TMEM41A: variants seen among roughly 807,000 people sequenced by gnomAD.
TMEM41A encodes the protein transmembrane protein 41A.
In TMEM41A, 20 loss-of-function variants were observed where a neutral mutation model predicts 25.7. That is an observed-to-expected ratio of 0.78 (90% CI 0.55 to 1.13). The LOEUF (loss-of-function observed/expected upper bound fraction) is 1.13. TMEM41A is among the 50% of genes most tolerant of loss of function. The probability of loss-of-function intolerance (pLI) is 0.00; values close to 1 mark genes in which losing one functional copy is unlikely to be tolerated. For synonymous variants in TMEM41A, 133 were observed against 139.6 expected, an observed-to-expected ratio of 0.95 and a Z score of 0.33; for missense variants, 299 against 314.3, an observed-to-expected ratio of 0.95 and a Z score of 0.37.
chr3:185,494,879 C>A (rs779640266), intron 3 of TMEM41A, 118 bp from the exon 4 acceptor site: 8 of 1,274,500 alleles, frequency 6.3e-6, no homozygotes, highest in Non-Finnish European at 8.6e-6. Context: ...ATTCTTCCAA[C>A]AACCCTCCAG....
At chr3:185,498,031 C>A (rs1329729619) in intron 1 of TMEM41A, among the ~76,000 whole-genome samples, 3 of 151,556 alleles carry the variant, frequency 2.0e-5, no homozygotes, top group African/African-American at 7.3e-5. Flanking sequence ...CTGAGGCAGG[C>A]GGATTACCTG....
rs941381333 is a variant in TMEM41A, at chr3:185,490,666, C to G, written c.*871G>C. On this transcript the variant is annotated 3_prime_UTR_variant, in exon 5 of 5. Transcript: ENST00000421852. ...GTGAGCAACACGTGGAAGTCCTAGG[C>G]AGTTCGTCAACTTGTTTCACTTGGC... 1 of 152,230 alleles carries G rather than the reference C, an allele frequency of 6.6e-6. No individual in the cohort carries two copies. The highest frequency in any genetic ancestry group is 2.4e-5 in the African/African-American group (1 of 41,456). The allele number at this position is 152,230 out of a possible 1,614,324, so 9.4% of individuals were successfully genotyped here.
rs1180223888 is a variant in TMEM41A, at chr3:185,496,810, G to A, written c.273+18C>T. 2.5e-6 allele frequency: 4 copies of A among 1,599,378 alleles called. No individual in the cohort carries two copies. The South Asian group carries it at 4.5e-5, about 18-fold the overall frequency. On this transcript the variant is annotated intron_variant, in intron 2 of 4. Transcript: ENST00000421852. ...TACAGATAAGGAAACAGGGTTGGAG[G>A]GAGGGCAGGACACTGACCAGGAAGC...
intron 4 of TMEM41A, chr3:185,492,158 CGGGTGTGG>C: frequency 6.2e-6 from 1 of 160,450 alleles, no homozygotes; most frequent in Non-Finnish European, 1.4e-5. Context: ...AAAAATTAGC[CGGGTGTGG>C]TGGCATGTGC....
At position 185,491,346 on chromosome 3, in the gene TMEM41A, G is replaced by A. The variant is rs962198699; in HGVS notation, c.*191C>T. 3.7e-6 allele frequency: 2 copies of A among 543,436 alleles called. No homozygotes were observed. Among genetic ancestry groups the A allele is most frequent in the African/African-American group, 3.8e-5 (2 of 52,612 alleles). The allele number at this position is 543,436 out of a possible 1,614,324, so 33.7% of individuals were successfully genotyped here. On this transcript the variant is annotated 3_prime_UTR_variant, in exon 5 of 5. Transcript: ENST00000421852. ...CTGTTGCAGTGTCTGCTACACCAGG[G>A]CTGGTTTGAAAACCTGATGTAATAC...
intron 4 of TMEM41A, chr3:185,493,949 A>G (rs185416770): frequency 1.3e-5 from 2 of 152,322 alleles, no homozygotes; most frequent in Admixed American, 1.3e-4. Flanking sequence ...ATTAAAATGC[A>G]TATTCCCAGA....
At chr3:185,494,474 G>A (rs540444826) in intron 4 of TMEM41A, 149 bp downstream of exon 4, 2 of 908,824 alleles carry the variant, frequency 2.2e-6, no homozygotes, top group African/African-American at 1.7e-5. Flanking sequence ...CTGAAATCAG[G>A]AATCATTTCT....
chr3:185,491,904 C>T (rs1718970230), intron 4 of TMEM41A, 147 bp from the exon 5 acceptor site: 8 of 584,996 alleles, frequency 1.4e-5, no homozygotes, highest in Admixed American at 9.6e-5. Flanking sequence ...CCCTTCTTTC[C>T]TTCTTTTCTA....
intron 4 of TMEM41A, among the ~76,000 whole-genome samples, chr3:185,492,115 A>C (rs1452261749): frequency 6.6e-6 from 1 of 152,164 alleles, no homozygotes; most frequent in East Asian, 1.9e-4. Context: ...CAGCCTGGCC[A>C]ACATGGTGAA....
At chr3:185,496,066 G>T (rs1001089389) in intron 2 of TMEM41A, 9 of 153,986 alleles carry the variant, frequency 5.8e-5, no homozygotes, top group African/African-American at 2.2e-4. Context: ...TTAATACCGG[G>T]GTTCCATGTT....
At chr3:185,493,639 T>G (rs889535466) in intron 4 of TMEM41A, 6 of 152,216 alleles carry the variant, frequency 3.9e-5, no homozygotes, top group African/African-American at 1.4e-4. Flanking sequence ...CCTCCCAGGT[T>G]CAAGCCATTC....
At position 185,496,904 on chromosome 3, in the gene TMEM41A, T is replaced by C; in HGVS notation, c.197A>G (p.Gln66Arg). ...GCAGAAGAGCAGGAACACGTAGGCC[T>C]GGTGCTCCTTCCGGTACTCTCGAAG... ...EVLREYRKEH[Q>R]AYVFLLFCGA... Residue 66 changes from glutamine to arginine, a missense_variant, in exon 2 of 5, where the codon CAG becomes CGG. By Grantham distance (43) the Gln-to-Arg change is conservative. Coordinates refer to ENST00000421852, the MANE Select transcript of TMEM41A (RefSeq NM_080652.4). The C allele has an allele frequency of 1.2e-6, 2 of 1,605,438 alleles. No homozygotes were observed. Among genetic ancestry groups the C allele is most frequent in the South Asian group, 2.3e-5 (2 of 88,770 alleles).
intron 2 of TMEM41A, chr3:185,496,434 T>C: frequency 3.8e-6 from 1 of 260,022 alleles, no homozygotes; most frequent in Non-Finnish European, 7.7e-6. Flanking sequence ...CTCTCTGCCC[T>C]GAAGAGGGAT....
At chr3:185,497,538 T>G (rs1018706435) in intron 1 of TMEM41A, among the ~76,000 whole-genome samples, 1 of 152,244 alleles carries the variant, frequency 6.6e-6, no homozygotes, top group Non-Finnish European at 1.5e-5. Flanking sequence ...TAAATGTAAC[T>G]TTTTTGATAA....
intron 4 of TMEM41A, chr3:185,493,421 T>C (rs1268504599): frequency 6.6e-6 from 1 of 152,186 alleles, no homozygotes; most frequent in Non-Finnish European, 1.5e-5. Context: ...ACCTGGAAAA[T>C]GTTAAAAGAT....
At chr3:185,494,378 G>A in intron 4 of TMEM41A, 1 of 412,330 alleles carries the variant, frequency 2.4e-6, no homozygotes, top group East Asian at 3.9e-5. Flanking sequence ...TAATCCCAGT[G>A]CCTAGTGCAT....
chr3:185,498,584 G>T (rs1252843772), intron 1 of TMEM41A: 1 of 381,536 alleles, frequency 2.6e-6, no homozygotes. Context: ...AAGGCACCGC[G>T]GCGTGACGCC....
At chr3:185,493,532 T>G (rs553217701) in intron 4 of TMEM41A, 1 of 152,182 alleles carries the variant, frequency 6.6e-6, no homozygotes, top group Admixed American at 6.6e-5. Context: ...GTTGTTTTGT[T>G]TGTTTTTGTT....
intron 4 of TMEM41A, chr3:185,494,222 C>G (rs574562597): frequency 5.0e-5 from 8 of 161,406 alleles, no homozygotes; most frequent in East Asian, 3.6e-4. Flanking sequence ...AAAAACCAGA[C>G]AGGAAGTCCC....
Sources: gnomAD v4.1 joint callset for allele counts (sites outside exome capture counted in the v4.1 genomes callset) on GRCh38, gnomAD v4.1.1 for gene constraint, MANE v1.5 for transcripts, NCBI Gene and HGNC (gene_info 2026-07-23, HGNC 2026-07-21) for gene names.